The following TMC1 variants were observed in gnomAD, a reference collection of about 807,000 sequenced individuals.
TMC1 encodes transmembrane channel like 1, also known as transmembrane channel-like protein 1.
Under a neutral mutation model 105.8 loss-of-function variants are expected in TMC1, and 84 were observed. The observed-to-expected ratio is 0.79, with a 90% confidence interval of 0.67 to 0.95. TMC1 has a LOEUF of 0.95. Among genes scored for constraint, TMC1 ranks in the 40% least tolerant of loss-of-function variants. TMC1 has a pLI of 0.00. For synonymous variants in TMC1, 315 were observed against 311.5 expected, an observed-to-expected ratio of 1.01 and a Z score of -0.12; for missense variants, 817 against 914.1, an observed-to-expected ratio of 0.89 and a Z score of 1.37.
intron 17 of TMC1, among the ~76,000 whole-genome samples, chr9:72,795,929 C>T (rs938234708): frequency 6.6e-6 from 1 of 151,388 alleles, no homozygotes; most frequent in Non-Finnish European, 1.5e-5. Context: ...ATAACACCCA[C>T]ACGCTAAAAA....
chr9:72,648,714 G>C, intron 5 of TMC1, 50 bp downstream of exon 5: 1 of 1,514,398 alleles, frequency 6.6e-7, no homozygotes, highest in Non-Finnish European at 9.2e-7. Flanking sequence ...TTTCTGAGAG[G>C]TATAAAGGTA....
intron 7 of TMC1, among the ~76,000 whole-genome samples, chr9:72,696,490 T>C (rs1401723515): frequency 6.6e-6 from 1 of 152,218 alleles, no homozygotes; most frequent in Non-Finnish European, 1.5e-5. Flanking sequence ...ACATCTTTTT[T>C]TTAAAAGAAA....
intron 2 of TMC1, among the ~76,000 whole-genome samples, chr9:72,584,866 C>A (rs1184322669): frequency 7.0e-6 from 1 of 142,054 alleles, no homozygotes; most frequent in African/African-American, 2.6e-5. Context: ...CTCACTGCAT[C>A]CTCCGCCGCC....
chr9:72,806,040 A>G (rs541670001), intron 18 of TMC1, among the ~76,000 whole-genome samples: 9,003 of 149,902 alleles, frequency 0.06, 345 homozygotes, highest in African/African-American at 0.092. Context: ...ATCCGGGCCC[A>G]TTCTCAATGA....
intron 17 of TMC1, among the ~76,000 whole-genome samples, chr9:72,804,931 G>A (rs1342710967): frequency 6.6e-6 from 1 of 152,074 alleles, no homozygotes; most frequent in Non-Finnish European, 1.5e-5. Context: ...GACTTTTGCT[G>A]GTTTCTTTCT....
chr9:72,625,243 A>T (rs1243825094), intron 3 of TMC1, among the ~76,000 whole-genome samples: 2 of 152,150 alleles, frequency 1.3e-5, no homozygotes, highest in African/African-American at 4.8e-5. Context: ...CCCCAGGAAC[A>T]CCCCTGCAGC....
At chr9:72,708,071 TGTAA>T (rs1277657376) in intron 8 of TMC1, among the ~76,000 whole-genome samples, 1 of 152,212 alleles carries the variant, frequency 6.6e-6, no homozygotes, top group African/African-American at 2.4e-5. Context: ...ATCAGTTGGC[TGTAA>T]GTATTTGGAT....
At chr9:72,716,755 T>C (rs556698078) in intron 8 of TMC1, among the ~76,000 whole-genome samples, 1 of 152,248 alleles carries the variant, frequency 6.6e-6, no homozygotes, top group Non-Finnish European at 1.5e-5. Context: ...TTCAGCCCCC[T>C]TTCCAGGGGC....
intron 1 of TMC1, among the ~76,000 whole-genome samples, chr9:72,563,730 C>G (rs1824096956): frequency 6.6e-6 from 1 of 151,722 alleles, no homozygotes; most frequent in Non-Finnish European, 1.5e-5. Context: ...GAAACCCCAT[C>G]TCTACTAAAA....
rs77835562 is a variant in TMC1, at chr9:72,537,014, C to T, written c.-428+15101C>T. 2.1e-4 allele frequency among the ~76,000 whole-genome samples: 32 copies of T among 152,338 alleles called. 1 individual carries two copies. Among genetic ancestry groups the T allele is most frequent in the African/African-American group, 7.7e-4 (32 of 41,580 alleles). On this transcript the variant is annotated intron_variant, in intron 1 of 23. Coordinates refer to ENST00000297784, the MANE Select transcript of TMC1 (RefSeq NM_138691.3). ...AGCTGCCAAGCCTCCAACATTCTTGCATTATGGGCACCTGCAGATTTCACA... is the reference window on the plus strand; with the variant it reads ...AGCTGCCAAGCCTCCAACATTCTTGTATTATGGGCACCTGCAGATTTCACA...
Position 72,701,709 on chromosome 9 carries a change from C to A in TMC1, c.362+1066C>A, listed in dbSNP as rs181239336. The stretch of plus-strand genomic sequence containing the variant: ...GAGCTTGTGTGCTATTTAAAGGTAT[C>A]GCTTAATCTCCTGAAGCCTTAGTTA... On this transcript the variant is annotated intron_variant, in intron 8 of 23. Transcript: ENST00000297784. 4.7e-4 allele frequency among the ~76,000 whole-genome samples: 72 copies of A among 152,272 alleles called. 1 individual carries two copies. The highest frequency in any genetic ancestry group is 5.9e-5 in the Non-Finnish European group (4 of 68,016).
intron 2 of TMC1, among the ~76,000 whole-genome samples, chr9:72,593,272 C>T (rs1824666468): frequency 6.7e-6 from 1 of 150,354 alleles, no homozygotes; most frequent in African/African-American, 2.4e-5. Flanking sequence ...AGTGTGGTGG[C>T]TCATGCCTGC....
At chr9:72,819,103 A>G (rs1179753340) in intron 19 of TMC1, among the ~76,000 whole-genome samples, 1 of 152,190 alleles carries the variant, frequency 6.6e-6, no homozygotes, top group Non-Finnish European at 1.5e-5. Context: ...GAACATGTTC[A>G]ATGTGGGGTG....
intron 8 of TMC1, among the ~76,000 whole-genome samples, chr9:72,731,216 A>G (rs1217871053): frequency 6.6e-6 from 1 of 152,262 alleles, no homozygotes; most frequent in African/African-American, 2.4e-5. Flanking sequence ...GTGCTATATT[A>G]AGTACTGGGA....
Position 72,772,515 on chromosome 9 carries a change from A to G in TMC1, c.844A>G (p.Ile282Val), listed in dbSNP as rs1827945955. 6 of 1,613,824 alleles carry G rather than the reference A, an allele frequency of 3.7e-6. No individual in the cohort carries two copies. The highest frequency in any genetic ancestry group is 5.1e-6 in the Non-Finnish European group (6 of 1,179,822). The change falls in exon 13 of 24, where the codon ATT becomes GTT. Residue 282 changes from isoleucine to valine, a missense_variant. Coordinates refer to ENST00000297784, the MANE Select transcript of TMC1 (RefSeq NM_138691.3). ...GCCGCTCTCCTATTTTCTAGTGGGG[A>G]TTATGTGCATTGGATACAGCTTTCT... ...RLPLSYFLVG[I>V]MCIGYSFLVV...
At chr9:72,747,939 T>G (rs1488770391) in intron 10 of TMC1, among the ~76,000 whole-genome samples, 1 of 152,188 alleles carries the variant, frequency 6.6e-6, no homozygotes, top group Non-Finnish European at 1.5e-5. Context: ...GAAGCAGCAT[T>G]TATCAGTCTG....
intron 1 of TMC1, among the ~76,000 whole-genome samples, chr9:72,561,571 G>A (rs1287166796): frequency 6.6e-6 from 1 of 152,166 alleles, no homozygotes; most frequent in Non-Finnish European, 1.5e-5. Context: ...ACACCATTTA[G>A]TAAGGGCTTG....
intron 5 of TMC1, among the ~76,000 whole-genome samples, chr9:72,657,780 T>C (rs1248084415): frequency 6.6e-6 from 1 of 152,108 alleles, no homozygotes; most frequent in African/African-American, 2.4e-5. Context: ...TGAGACAAAA[T>C]TAAAAGAATC....
In TMC1 at chr9:72,577,887, T is replaced by TTTAC. The variant is rs1230417376; in HGVS notation, c.-427-12_-427-11insCTTA. 1 of 152,118 alleles carries TTTAC rather than the reference T, an allele frequency of 6.6e-6. No individual in the cohort carries two copies. The highest frequency in any genetic ancestry group is 2.4e-5 in the African/African-American group (1 of 41,426). The allele number at this position is 152,118 out of a possible 1,614,324, so 9.4% of individuals were successfully genotyped here. On this transcript the variant is annotated splice_polypyrimidine_tract_variant and intron_variant, in intron 1 of 23. Transcript: ENST00000297784. ...TTTATTCTTTATTTATATTTATTTA[T>TTTAC]TTATTTATTTTCAGATGGGATCTTA...
Sources: allele counts gnomAD v4.1 joint callset (sites outside exome capture counted in the v4.1 genomes callset), GRCh38; gene constraint gnomAD v4.1.1; transcripts MANE v1.5; gene names NCBI Gene and HGNC (gene_info 2026-07-23, HGNC 2026-07-21).